The following PLAGL1 variants were observed in gnomAD, a reference collection of about 807,000 sequenced individuals.
PLAGL1 encodes zinc finger protein PLAGL1.
In PLAGL1, 1 loss-of-function variant was observed where a neutral mutation model predicts 4.6. That is an observed-to-expected ratio of 0.22 (90% confidence interval 0.08 to 1.03). The LOEUF (loss-of-function observed/expected upper bound fraction) is 1.03, where lower values mean the gene tolerates loss of function less well. Ranked by LOEUF, PLAGL1 falls within the 50% of genes least tolerant of loss-of-function variation. PLAGL1 has a pLI of 0.58. For synonymous variants in PLAGL1, 240 were observed against 237.8 expected (o/e 1.01, Z -0.08); for missense variants, 464 against 570.4 (o/e 0.81, Z 1.90).
intron 1 of PLAGL1, among the ~76,000 whole-genome samples, chr6:144,057,647 G>C (rs149974086): frequency 5.3e-5 from 8 of 152,240 alleles, no homozygotes; most frequent in Non-Finnish European, 8.8e-5. Context: ...ACACCCATTA[G>C]CTTCATCAGC....
chr6:143,992,342 G>A (rs1287675232), intron 1 of PLAGL1, among the ~76,000 whole-genome samples: 1 of 152,206 alleles, frequency 6.6e-6, no homozygotes, highest in Non-Finnish European at 1.5e-5. Context: ...CTTTCTGTGT[G>A]AAGCATAGTC....
intron 1 of PLAGL1, among the ~76,000 whole-genome samples, chr6:143,991,387 C>G (rs1363759613): frequency 6.6e-6 from 1 of 152,198 alleles, no homozygotes; most frequent in Non-Finnish European, 1.5e-5. Flanking sequence ...GTCTGTACCT[C>G]TAGAACATGG....
In PLAGL1 at chr6:144,039,782, C is replaced by T. The variant is rs1797575712; in HGVS notation, c.-151+24686G>A. 6.6e-6 allele frequency among the ~76,000 whole-genome samples: 1 copy of T among 152,156 alleles called. No homozygotes were observed. On this transcript the variant is annotated intron_variant, in intron 1 of 3. Coordinates refer to the PLAGL1 transcript ENST00000437412. The surrounding 1 kb of genome is among the most constrained non-coding windows in gnomAD (Gnocchi z 4.1). Reference sequence around the variant, plus strand: ...TCCATTCCTGGGTATAAATCCTAGACATATTTATGCATATGTACACCAAGA... The same window carrying T: ...TCCATTCCTGGGTATAAATCCTAGATATATTTATGCATATGTACACCAAGA...
At position 143,954,335 on chromosome 6, in the gene PLAGL1, T is replaced by C. The variant is rs1407541955; in HGVS notation, c.-324-5875A>G. 1.3e-5 allele frequency among the ~76,000 whole-genome samples: 2 copies of C among 151,986 alleles called. No homozygotes were observed. Among genetic ancestry groups the C allele is most frequent in the Non-Finnish European group, 2.9e-5 (2 of 67,982 alleles). On this transcript the variant is annotated intron_variant, in intron 6 of 7. Transcript: ENST00000674357. The surrounding 1 kb of genome is among the most constrained non-coding windows in gnomAD (Gnocchi z 5.1). The stretch of plus-strand genomic sequence containing the variant: ...GGGAAGGAAACTTCAAAAATAATAA[T>C]CATTAATATCCTAGAGAGAACAGAG...
chr6:143,946,277 C>T (rs1468645493), intron 7 of PLAGL1, among the ~76,000 whole-genome samples: 1 of 152,242 alleles, frequency 6.6e-6, no homozygotes, highest in African/African-American at 2.4e-5. Context: ...AATAGTTCTA[C>T]TCCACTAATT....
intron 1 of PLAGL1, among the ~76,000 whole-genome samples, chr6:144,020,111 T>A (rs940317474): frequency 2.0e-5 from 3 of 152,086 alleles, no homozygotes; most frequent in African/African-American, 7.2e-5. Flanking sequence ...CTTCTCTCCC[T>A]CTCTCCACTC....
chr6:143,949,481 G>A lies in PLAGL1; in HGVS notation c.-324-1021C>T, dbSNP rs1780546138. On this transcript the variant is annotated intron_variant, in intron 6 of 7. Transcript: ENST00000674357. The surrounding 1 kb of genome is among the most constrained non-coding windows in gnomAD (Gnocchi z 5.3). ...TGTCTCCTCCTAGCTTCACTCTCAG[G>A]ACCTGGACCAACCCCCCACATTTCA... 1.3e-5 allele frequency among the ~76,000 whole-genome samples: 2 copies of A among 152,026 alleles called. No homozygotes were observed. Among genetic ancestry groups the A allele is most frequent in the South Asian group, 4.2e-4 (2 of 4,818 alleles).
chr6:143,994,692 T>C lies in PLAGL1; in HGVS notation c.-583-9518A>G, dbSNP rs1021253361. 6.6e-6 allele frequency among the ~76,000 whole-genome samples: 1 copy of C among 152,236 alleles called. No homozygotes were observed. Among genetic ancestry groups the C allele is most frequent in the Non-Finnish European group, 1.5e-5 (1 of 68,032 alleles). On this transcript the variant is annotated intron_variant, in intron 1 of 7. Transcript: ENST00000674357. The surrounding 1 kb of genome is among the most constrained non-coding windows in gnomAD (Gnocchi z 4.3). ...CTGCTTGCGTTTCTGGAAAATCCAC[T>C]GTTACAGATTCAAATGTGTCCTCAA...
At chr6:144,003,394 G>A (rs536441540) in intron 1 of PLAGL1, among the ~76,000 whole-genome samples, 7 of 152,270 alleles carry the variant, frequency 4.6e-5, no homozygotes, top group East Asian at 1.9e-4. Context: ...GGAGGCCAAG[G>A]CGGGTGGATC....
At position 144,006,936 on chromosome 6, in the gene PLAGL1, T is replaced by G. The variant is rs1287001200; in HGVS notation, c.-584+1154A>C. 2 of 152,196 alleles carry G rather than the reference T, an allele frequency of 1.3e-5. No individual in the cohort carries two copies. The highest frequency in any genetic ancestry group is 2.9e-5 in the Non-Finnish European group (2 of 68,048). The allele number at this position is 152,196 out of a possible 1,614,324, so 9.4% of individuals were successfully genotyped here. A position where few individuals can be genotyped will look rare whatever the true frequency, so the allele number is the denominator to read the frequency against. On this transcript the variant is annotated intron_variant, in intron 1 of 7. Coordinates refer to ENST00000674357, the MANE Select transcript of PLAGL1 (RefSeq NM_001317162.2). This position sits in a 1 kb window ranked among gnomAD's most constrained non-coding sequence, Gnocchi z 4.3. The stretch of plus-strand genomic sequence containing the variant: ...TGACCTGAGAGACACTGATGTTCTA[T>G]TCTCCGTCTGTGTTTTACAAATTCT...
chr6:144,045,771 C>A (rs904077629), intron 1 of PLAGL1, among the ~76,000 whole-genome samples: 6 of 152,192 alleles, frequency 3.9e-5, no homozygotes, highest in Admixed American at 3.9e-4. Context: ...TGGATAATAT[C>A]CTGAAGAGTG....
intron 1 of PLAGL1, among the ~76,000 whole-genome samples, chr6:144,026,514 G>T (rs996855975): frequency 6.6e-6 from 1 of 152,110 alleles, no homozygotes; most frequent in Admixed American, 6.5e-5. Context: ...AGTTAAGATA[G>T]TCATCCCTGG....
chr6:143,999,958 T>G (rs960230043), intron 1 of PLAGL1, among the ~76,000 whole-genome samples: 2 of 152,106 alleles, frequency 1.3e-5, no homozygotes, highest in Non-Finnish European at 2.9e-5. Flanking sequence ...AATTTAAAGA[T>G]GAGAAAATTG....
rs1288893883 is a variant in PLAGL1, at chr6:143,942,791, C to T, written c.153-128G>A. ...CTTGGTATAATTTTCAAAATTCTTT[C>T]ATATATTTTCCAAATATATAAACTT... On this transcript the variant is annotated intron_variant, in intron 7 of 7. Transcript: ENST00000674357. The surrounding 1 kb of genome is among the most constrained non-coding windows in gnomAD (Gnocchi z 7.6). 3.1e-6 allele frequency: 2 copies of T among 642,980 alleles called. No individual in the cohort carries two copies. The highest frequency in any genetic ancestry group is 3.7e-5 in the African/African-American group (2 of 53,856). The allele number at this position is 642,980 out of a possible 1,614,324, so 39.8% of individuals were successfully genotyped here. A position where few individuals can be genotyped will look rare whatever the true frequency, so the allele number is the denominator to read the frequency against.
At chr6:143,980,006 T>A (rs1052862622) in intron 2 of PLAGL1, among the ~76,000 whole-genome samples, 4 of 152,118 alleles carry the variant, frequency 2.6e-5, no homozygotes, top group African/African-American at 9.6e-5. Context: ...ATTTCTAGAT[T>A]AACAGTTTTA....
At chr6:143,986,306 C>A (rs1458982824) in intron 1 of PLAGL1, among the ~76,000 whole-genome samples, 1 of 151,972 alleles carries the variant, frequency 6.6e-6, no homozygotes, top group Non-Finnish European at 1.5e-5. Flanking sequence ...ATGTCCAAAG[C>A]AATGATGTGT....
chr6:144,056,297 G>T lies in PLAGL1; in HGVS notation c.-151+8171C>A, dbSNP rs927137884. On this transcript the variant is annotated intron_variant, in intron 1 of 3. Coordinates refer to the PLAGL1 transcript ENST00000437412. The surrounding 1 kb of genome is among the most constrained non-coding windows in gnomAD (Gnocchi z 4.7). ...TTACCGGCATCCCCACCAGGATGGC[G>T]CATTTGTTCCAACTGTTCAATCCAC... Among the ~76,000 whole-genome samples the T allele has an allele frequency of 6.6e-6, 1 of 152,120 alleles. No homozygotes were observed. Among genetic ancestry groups the T allele is most frequent in the Non-Finnish European group, 1.5e-5 (1 of 68,016 alleles).
At position 143,970,255 on chromosome 6, in the gene PLAGL1, T is replaced by G. The variant is rs148607578; in HGVS notation, c.-543-1277A>C. Among the ~76,000 whole-genome samples the G allele has an allele frequency of 6.6e-6, 1 of 152,342 alleles. No individual in the cohort carries two copies. The highest frequency in any genetic ancestry group is 1.9e-4 in the East Asian group (1 of 5,186). On this transcript the variant is annotated intron_variant, in intron 2 of 7. Coordinates refer to ENST00000674357, the MANE Select transcript of PLAGL1 (RefSeq NM_001317162.2). This position sits in a 1 kb window ranked among gnomAD's most constrained non-coding sequence, Gnocchi z 5.8. ...TAAACTTTTAGGTATAAGCTGAGTT[T>G]GGGTTTTTCCTCCTGAATTGAGGTT...
rs969634083 is a variant in PLAGL1, at chr6:143,970,343, A to G, written c.-543-1365T>C. 6.6e-6 allele frequency among the ~76,000 whole-genome samples: 1 copy of G among 152,248 alleles called. No homozygotes were observed. Among genetic ancestry groups the G allele is most frequent in the Non-Finnish European group, 1.5e-5 (1 of 68,044 alleles). On this transcript the variant is annotated intron_variant, in intron 2 of 7. Coordinates refer to ENST00000674357, the MANE Select transcript of PLAGL1 (RefSeq NM_001317162.2). This position sits in a 1 kb window ranked among gnomAD's most constrained non-coding sequence, Gnocchi z 5.8. ...ATGTAATGTTGCAAAGTAAACATTT[A>G]AACTACTGAAAATATACTAAGTATT...
Sources: allele counts gnomAD v4.1 joint callset (sites outside exome capture counted in the v4.1 genomes callset), GRCh38; gene constraint gnomAD v4.1.1; non-coding constraint Gnocchi (gnomAD v3.1); transcripts MANE v1.5; gene names NCBI Gene and HGNC (gene_info 2026-07-23, HGNC 2026-07-21).